Variants in GRM4 observed in about 807,000 individuals in gnomAD.
GRM4 encodes the protein metabotropic glutamate receptor 4.
Under a neutral mutation model 81.7 loss-of-function variants are expected in GRM4, and 28 were observed. That is an observed-to-expected ratio of 0.34 (90% CI 0.25 to 0.47). The LOEUF is 0.47. Ranked by LOEUF, GRM4 falls within the 20% of genes least tolerant of loss-of-function variation. The probability of loss-of-function intolerance (pLI) is 1.00; values close to 1 mark genes in which losing one functional copy is unlikely to be tolerated. For missense variants in GRM4, 948 were observed against 1,290.0 expected (o/e 0.73, Z 4.06); for synonymous variants, 488 against 528.8 (o/e 0.92, Z 1.06).
At chr6:34,132,655 T>C (rs948704042) in intron 2 of GRM4, among the ~76,000 whole-genome samples, 8 of 152,206 alleles carry the variant, frequency 5.3e-5, no homozygotes, top group Non-Finnish European at 1.0e-4. Context: ...CTTTTCCTCC[T>C]GGTACAGAAT....
Position 34,062,047 on chromosome 6 carries a change from T to C in GRM4, c.737-19A>G, listed in dbSNP as rs779862776. The C allele has an allele frequency of 1.3e-6, 2 of 1,598,534 alleles. No individual in the cohort carries two copies. Among genetic ancestry groups the C allele is most frequent in the Non-Finnish European group, 1.7e-6 (2 of 1,168,602 alleles). ...ACGCCCCCTGCAGGAGGGGCACCAG[T>C]TAGTTGGGGTGGGCAGGGGAACCTG... On this transcript the variant is annotated intron_variant, in intron 3 of 10. Transcript: ENST00000538487.
intron 2 of GRM4, chr6:34,103,520 T>C: frequency 7.5e-7 from 1 of 1,331,760 alleles, no homozygotes; most frequent in Non-Finnish European, 1.0e-6. Context: ...GCAAACGCGA[T>C]CCTCAAATCA....
At chr6:34,051,014 G>A (rs1765585231) in intron 6 of GRM4, among the ~76,000 whole-genome samples, 1 of 152,252 alleles carries the variant, frequency 6.6e-6, no homozygotes. Flanking sequence ...TCTAATGGAG[G>A]CACGGCCTGG....
chr6:34,103,735 C>G, intron 2 of GRM4: 1 of 1,501,906 alleles, frequency 6.7e-7, no homozygotes. Flanking sequence ...AAGTCCAACT[C>G]CCATAGGTGA....
intron 3 of GRM4, among the ~76,000 whole-genome samples, chr6:34,066,971 G>A (rs1355895896): frequency 6.6e-6 from 1 of 152,130 alleles, no homozygotes; most frequent in Admixed American, 6.5e-5. Flanking sequence ...CCATAGGGAA[G>A]CTGCCTGCCT....
intron 1 of GRM4, among the ~76,000 whole-genome samples, chr6:34,143,490 A>T (rs1039237922): frequency 3.3e-5 from 5 of 152,222 alleles, no homozygotes; most frequent in Admixed American, 3.3e-4. Flanking sequence ...CACACCCCAG[A>T]GTACCCAGAG....
At chr6:34,108,806 C>G (rs1054891203) in intron 2 of GRM4, among the ~76,000 whole-genome samples, 1 of 152,110 alleles carries the variant, frequency 6.6e-6, no homozygotes, top group African/African-American at 2.4e-5. Flanking sequence ...GGCTGCCCAC[C>G]GAGGTCCCCT....
rs1374610979 is a variant in GRM4 at position 34,064,014 on chromosome 6, C to T, written c.737-1986G>A. ...TGAGATGCTCCTCTAAGAGGATCCGCGTGATGGTCTTGCCTGGCACCTCAG... is the reference window on the plus strand; with the variant it reads ...TGAGATGCTCCTCTAAGAGGATCCGTGTGATGGTCTTGCCTGGCACCTCAG... On this transcript the variant is annotated intron_variant, in intron 3 of 10. Coordinates refer to ENST00000538487, the MANE Select transcript of GRM4 (RefSeq NM_000841.4). This position sits in a 1 kb window ranked among gnomAD's most constrained non-coding sequence, Gnocchi z 4.4. Among the ~76,000 whole-genome samples, 2 of 152,170 alleles carry T rather than the reference C, an allele frequency of 1.3e-5. No homozygotes were observed. Among genetic ancestry groups the T allele is most frequent in the African/African-American group, 4.8e-5 (2 of 41,418 alleles).
chr6:34,066,410 T>C (rs1766468994), intron 3 of GRM4, among the ~76,000 whole-genome samples: 1 of 152,150 alleles, frequency 6.6e-6, no homozygotes, highest in Non-Finnish European at 1.5e-5. Context: ...AATCATAAAA[T>C]TGACGGACAA....
chr6:34,087,418 CAAA>C (rs765556138), intron 3 of GRM4, among the ~76,000 whole-genome samples: 13 of 66,560 alleles, frequency 2.0e-4, no homozygotes, highest in Admixed American at 1.1e-3. Flanking sequence ...GACTCCATCT[CAAA>C]AAAAAAAAAA....
intron 1 of GRM4, among the ~76,000 whole-genome samples, chr6:34,138,171 T>C (rs1770542181): frequency 6.6e-6 from 1 of 152,204 alleles, no homozygotes; most frequent in South Asian, 2.1e-4. Flanking sequence ...GTCAGGGTCA[T>C]TGCCAGAGTC....
chr6:34,127,747 T>C (rs1561829353), intron 2 of GRM4, among the ~76,000 whole-genome samples: 1 of 152,086 alleles, frequency 6.6e-6, no homozygotes, highest in Non-Finnish European at 1.5e-5. Flanking sequence ...CAGGGTGAGC[T>C]GACGAACAGA....
chr6:34,116,852 A>G (rs1421060682), intron 2 of GRM4, among the ~76,000 whole-genome samples: 1 of 152,204 alleles, frequency 6.6e-6, no homozygotes, highest in African/African-American at 2.4e-5. Flanking sequence ...AAGTGAGCAA[A>G]CCACCAACAG....
At chr6:34,097,693 C>T (rs892916790) in intron 2 of GRM4, among the ~76,000 whole-genome samples, 2 of 152,310 alleles carry the variant, frequency 1.3e-5, no homozygotes, top group South Asian at 2.1e-4. Context: ...AAAGGTGGAA[C>T]GGGGATGCTG....
chr6:34,027,332 C>A lies in GRM4; in HGVS notation c.2689+788G>T, dbSNP rs1018496067. ...CAAAGATGGTGGCACTGCTCCGTTACCAGCCCTGGAGGGACCTGTCCTGGC... is the reference window on the plus strand; with the variant it reads ...CAAAGATGGTGGCACTGCTCCGTTAACAGCCCTGGAGGGACCTGTCCTGGC... On this transcript the variant is annotated intron_variant, in intron 10 of 10. Coordinates refer to ENST00000538487, the MANE Select transcript of GRM4 (RefSeq NM_000841.4). Among the ~76,000 whole-genome samples, 2 of 152,136 alleles carry A rather than the reference C, an allele frequency of 1.3e-5. 1 individual carries two copies. The highest frequency in any genetic ancestry group is 4.8e-5 in the African/African-American group (2 of 41,406).
chr6:34,087,136 AG>A (rs1411636956), intron 3 of GRM4, among the ~76,000 whole-genome samples: 1 of 149,908 alleles, frequency 6.7e-6, no homozygotes, highest in East Asian at 2.0e-4. Context: ...AAAAAAAAAA[AG>A]GCCAGGCATG....
At chr6:34,128,202 C>A (rs1238473119) in intron 2 of GRM4, among the ~76,000 whole-genome samples, 1 of 152,182 alleles carries the variant, frequency 6.6e-6, no homozygotes, top group Non-Finnish European at 1.5e-5. Context: ...CCGGGATCAG[C>A]CTTAAAGGTC....
intron 5 of GRM4, among the ~76,000 whole-genome samples, chr6:34,058,015 A>G (rs1028569115): frequency 6.6e-6 from 1 of 152,168 alleles, no homozygotes; most frequent in South Asian, 2.1e-4. Context: ...GTGGGGATGG[A>G]TGAGCCAGGA....
At chr6:34,125,934 G>A (rs1170597287) in intron 2 of GRM4, among the ~76,000 whole-genome samples, 1 of 152,182 alleles carries the variant, frequency 6.6e-6, no homozygotes, top group South Asian at 2.1e-4. Flanking sequence ...AGCACCTCAC[G>A]AGCACTCCAG....
Sources: gnomAD v4.1 joint callset for allele counts (sites outside exome capture counted in the v4.1 genomes callset) on GRCh38, gnomAD v4.1.1 for gene constraint, Gnocchi (gnomAD v3.1) non-coding constraint, MANE v1.5 for transcripts, NCBI Gene and HGNC (gene_info 2026-07-23, HGNC 2026-07-21) for gene names.